The following DPP9 variants were observed in gnomAD, a reference collection of about 807,000 sequenced individuals.
DPP9 encodes the protein dipeptidyl peptidase IV-related protein-2.
A neutral mutation model predicts 110.7 loss-of-function variants in DPP9; 50 were observed. The ratio of observed to expected loss-of-function variants is 0.45; its 90% CI spans 0.36 to 0.57. DPP9 has a LOEUF of 0.57. Among genes scored for constraint, DPP9 ranks in the 20% least tolerant of loss-of-function variants. The pLI is 0.00. For synonymous variants in DPP9, 561 were observed against 514.4 expected (o/e 1.09, Z -1.23); for missense variants, 1,022 against 1,217.9 (o/e 0.84, Z 2.39).
Position 4,687,103 on chromosome 19 carries a change from A to T in DPP9, c.1886-1332T>A, listed in dbSNP as rs2090824445. On this transcript the variant is annotated intron_variant, in intron 16 of 21. Coordinates refer to ENST00000262960, the MANE Select transcript of DPP9 (RefSeq NM_139159.5). This position sits in a 1 kb window ranked among gnomAD's most constrained non-coding sequence, Gnocchi z 4.7. ...CCTGCTGAGCCCCTTCCCCTCCCTGACCCATCTCCTCATCTGAAGCCAGGG... is the reference window on the plus strand; with the variant it reads ...CCTGCTGAGCCCCTTCCCCTCCCTGTCCCATCTCCTCATCTGAAGCCAGGG... Among the ~76,000 whole-genome samples, 2 of 151,940 alleles carry T rather than the reference A, an allele frequency of 1.3e-5. No individual in the cohort carries two copies. The highest frequency in any genetic ancestry group is 4.8e-5 in the African/African-American group (2 of 41,342).
chr19:4,702,901 T>G (rs1174189967), intron 7 of DPP9, among the ~76,000 whole-genome samples, 185 bp from the exon 8 acceptor site: 1 of 103,356 alleles, frequency 9.7e-6, no homozygotes, highest in Non-Finnish European at 1.9e-5. Context: ...CAAGCAGGGT[T>G]GCTCCACCCC....
intron 3 of DPP9, 98 bp from the exon 4 acceptor site, chr19:4,714,435 G>C: frequency 7.1e-7 from 1 of 1,412,036 alleles, no homozygotes; most frequent in Non-Finnish European, 9.3e-7. Flanking sequence ...TCTTCCAGAC[G>C]AGCCCCACCC....
Position 4,693,572 on chromosome 19 carries a change from A to G in DPP9, c.1516+1089T>C, listed in dbSNP as rs2091517865. Among the ~76,000 whole-genome samples the G allele has an allele frequency of 6.6e-6, 1 of 151,350 alleles. No homozygotes were observed. The highest frequency in any genetic ancestry group is 2.1e-4 in the South Asian group (1 of 4,802). ...TCCTCTCTGATCCCCCACCCTTTCC[A>G]CTGCAAACGGTGTGGGCTCAGCTGT... On this transcript the variant is annotated intron_variant, in intron 13 of 21. Coordinates refer to ENST00000262960, the MANE Select transcript of DPP9 (RefSeq NM_139159.5). The surrounding 1 kb of genome is among the most constrained non-coding windows in gnomAD (Gnocchi z 5.0).
chr19:4,701,969 C>T, intron 9 of DPP9, 58 bp downstream of exon 9: 2 of 1,585,362 alleles, frequency 1.3e-6, no homozygotes, highest in South Asian at 1.2e-5. Flanking sequence ...ACCTCACCAG[C>T]CATGCCCCAG....
intron 20 of DPP9, among the ~76,000 whole-genome samples, chr19:4,680,793 T>C (rs8107316): frequency 0.27 from 41,683 of 152,016 alleles, 6,599 homozygotes; most frequent in African/African-American, 0.43. Flanking sequence ...CCCATCTCTA[T>C]TAAAGATACA....
intron 21 of DPP9, among the ~76,000 whole-genome samples, chr19:4,678,406 C>G (rs1399181676): frequency 6.6e-6 from 1 of 152,246 alleles, no homozygotes; most frequent in Non-Finnish European, 1.5e-5. Context: ...AGCCACCACG[C>G]CCGGCCTGAA....
At chr19:4,707,798 G>T (rs1238811455) in intron 4 of DPP9, among the ~76,000 whole-genome samples, 1 of 151,392 alleles carries the variant, frequency 6.6e-6, no homozygotes, top group Non-Finnish European at 1.5e-5. Context: ...GCTAATTTTT[G>T]TATTTTTAGT....
At chr19:4,680,021 G>A in intron 20 of DPP9, 75 bp from the exon 21 acceptor site, 1 of 1,070,138 alleles carries the variant, frequency 9.3e-7, no homozygotes, top group Non-Finnish European at 1.4e-6. Flanking sequence ...CACAAGGTCA[G>A]GAGTTTGAGA....
At chr19:4,717,685 C>T (rs549005925) in intron 3 of DPP9, 6 of 152,348 alleles carry the variant, frequency 3.9e-5, no homozygotes, top group East Asian at 3.9e-4. Context: ...TGAAACATCG[C>T]GAGAAACTTC....
rs2092210519 is a variant in DPP9 at position 4,700,958 on chromosome 19, G to C, written c.1013-681C>G. ...CTCATCTGTCATACGAGGGGGAAAA[G>C]ACTGACTTAGCTCATTTGCAGTGGG... is the stretch of plus-strand genomic sequence containing the variant. On this transcript the variant is annotated intron_variant, in intron 9 of 21. Transcript: ENST00000262960. The surrounding 1 kb of genome is among the most constrained non-coding windows in gnomAD (Gnocchi z 4.3). Among the ~76,000 whole-genome samples the C allele has an allele frequency of 6.6e-6, 1 of 152,202 alleles. No individual in the cohort carries two copies. The highest frequency in any genetic ancestry group is 2.1e-4 in the South Asian group (1 of 4,836).
chr19:4,678,247 G>A (rs2089189321), intron 21 of DPP9, among the ~76,000 whole-genome samples: 2 of 152,078 alleles, frequency 1.3e-5, no homozygotes, highest in Non-Finnish European at 2.9e-5. Flanking sequence ...CGAGTAGCTG[G>A]GACTACAGGC....
In DPP9 at chr19:4,704,258, C is replaced by G; in HGVS notation, c.473G>C (p.Arg158Thr). Residue 158 changes from arginine to threonine, a missense_variant, in exon 6 of 22, where the codon AGG becomes ACG. Coordinates refer to ENST00000262960, the MANE Select transcript of DPP9 (RefSeq NM_139159.5). The surrounding 1 kb of genome is among the most constrained non-coding windows in gnomAD (Gnocchi z 6.0). ...GVYSREEELL[R>T]ERKRLGVFGI... Reference sequence around the variant, plus strand: ...GAAGACCCCCAGGCGTTTCCGCTCCCTCAGCAGCTCCTCCTCCCGAGAGTA... The same window carrying G: ...GAAGACCCCCAGGCGTTTCCGCTCCGTCAGCAGCTCCTCCTCCCGAGAGTA... 1.2e-6 allele frequency: 2 copies of G among 1,613,856 alleles called. No homozygotes were observed. Among genetic ancestry groups the G allele is most frequent in the Non-Finnish European group, 1.7e-6 (2 of 1,179,896 alleles).
rs1024384862 is a variant in DPP9 at position 4,710,787 on chromosome 19, G to GT, written c.313+3293dup. 3.3e-4 allele frequency among the ~76,000 whole-genome samples: 50 copies of GT among 152,296 alleles called. No individual in the cohort carries two copies. Among genetic ancestry groups the GT allele is most frequent in the African/African-American group, 1.2e-3 (48 of 41,588 alleles). ...TCAGTGCTGCCCCTGACAGTGTGAAGTGACAGCCTGGAGTCGTTGAAGGGT... is the reference window on the plus strand; with the variant it reads ...TCAGTGCTGCCCCTGACAGTGTGAAGTTGACAGCCTGGAGTCGTTGAAGGGT... On this transcript the variant is annotated intron_variant, in intron 4 of 21. Coordinates refer to ENST00000262960, the MANE Select transcript of DPP9 (RefSeq NM_139159.5). This position sits in a 1 kb window ranked among gnomAD's most constrained non-coding sequence, Gnocchi z 5.6.
At chr19:4,696,874 A>G (rs1016619487) in intron 11 of DPP9, among the ~76,000 whole-genome samples, 16 of 152,220 alleles carry the variant, frequency 1.1e-4, no homozygotes, top group African/African-American at 3.6e-4. Flanking sequence ...TAACCAATGC[A>G]ATTAGAAAAG....
chr19:4,695,325 C>T lies in DPP9; in HGVS notation c.1353+53G>A, dbSNP rs2091702513. 2 of 1,500,328 alleles carry T rather than the reference C, an allele frequency of 1.3e-6. No homozygotes were observed. The highest frequency in any genetic ancestry group is 1.8e-6 in the Non-Finnish European group (2 of 1,121,244). The allele number at this position is 1,500,328 out of a possible 1,614,324, so 92.9% of individuals were successfully genotyped here. On this transcript the variant is annotated intron_variant, in intron 12 of 21. Coordinates refer to ENST00000262960, the MANE Select transcript of DPP9 (RefSeq NM_139159.5). This position sits in a 1 kb window ranked among gnomAD's most constrained non-coding sequence, Gnocchi z 4.7. ...GCCTTCTAGGACGTGGGGGTGGGGACAGTGTGACTCCAGGGCCCAGGCGGG... is the reference window on the plus strand; with the variant it reads ...GCCTTCTAGGACGTGGGGGTGGGGATAGTGTGACTCCAGGGCCCAGGCGGG...
chr19:4,702,792 G>A, intron 7 of DPP9, 76 bp from the exon 8 acceptor site: 1 of 687,956 alleles, frequency 1.5e-6, no homozygotes, highest in Non-Finnish European at 2.3e-6. Context: ...GGCTCAAGGA[G>A]AGCATGAGAG....
intron 4 of DPP9, among the ~76,000 whole-genome samples, 186 bp downstream of exon 4, chr19:4,713,895 C>T (rs933452150): frequency 6.6e-6 from 1 of 152,180 alleles, no homozygotes; most frequent in African/African-American, 2.4e-5. Flanking sequence ...CCGCCCCACC[C>T]ACCCCGCGGC....
At chr19:4,697,427 GC>G (rs1462066150) in intron 11 of DPP9, 123 bp downstream of exon 11, 1 of 767,526 alleles carries the variant, frequency 1.3e-6, no homozygotes, top group East Asian at 2.7e-5. Flanking sequence ...CCTGGCGGTT[GC>G]ACTGCGGGAA....
chr19:4,714,173 G>A lies in DPP9; in HGVS notation c.221C>T (p.Ser74Leu), dbSNP rs769344750. 47 of 1,612,102 alleles carry A rather than the reference G, an allele frequency of 2.9e-5. No individual in the cohort carries two copies. Among genetic ancestry groups the A allele is most frequent in the Middle Eastern group, 1.6e-4 (1 of 6,068 alleles). ...GGGCGCCTTGTTGACAATGAGGCCC[G>A]AGTACTTGCGGCTGCCGTGGATGAT... is the stretch of plus-strand genomic sequence containing the variant. ...RSIIHGSRKY[S>L]GLIVNKAPHD... Residue 74 changes from serine to leucine, a missense_variant, in exon 4 of 22, where the codon TCG becomes TTG. This residue lies in a region of DPP9 where 810 missense variants were observed against 920.6 expected (regional missense o/e 0.88). Coordinates refer to ENST00000262960, the MANE Select transcript of DPP9 (RefSeq NM_139159.5).
Sources: gnomAD v4.1 joint callset for allele counts (sites outside exome capture counted in the v4.1 genomes callset) on GRCh38, gnomAD v4.1.1 for gene constraint, gnomAD v4.1.1 regional missense constraint, Gnocchi (gnomAD v3.1) non-coding constraint, MANE v1.5 for transcripts, NCBI Gene and HGNC (gene_info 2026-07-23, HGNC 2026-07-21) for gene names.